The following KIAA0825 variants were observed in gnomAD, a reference collection of about 807,000 sequenced individuals.
KIAA0825 encodes uncharacterized protein KIAA0825.
Under a neutral mutation model 147.6 loss-of-function variants are expected in KIAA0825, and 119 were observed. That is an observed-to-expected ratio of 0.81 (90% CI 0.69 to 0.94). The LOEUF (loss-of-function observed/expected upper bound fraction) is 0.94. Ranked by LOEUF, KIAA0825 falls within the 40% of genes least tolerant of loss-of-function variation. KIAA0825 has a pLI of 0.00. For synonymous variants in KIAA0825, 470 were observed against 518.1 expected, an observed-to-expected ratio of 0.91 and a Z score of 1.26; for missense variants, 1,381 against 1,472.7, an observed-to-expected ratio of 0.94 and a Z score of 1.02.
At chr5:94,274,128 C>A (rs1777110308) in intron 20 of KIAA0825, among the ~76,000 whole-genome samples, 1 of 151,996 alleles carries the variant, frequency 6.6e-6, no homozygotes, top group Non-Finnish European at 1.5e-5. Context: ...CTCTATGTAT[C>A]ATGCAGGGAA....
intron 12 of KIAA0825, among the ~76,000 whole-genome samples, 171 bp from the exon 13 acceptor site, chr5:94,453,240 C>T (rs1758644385): frequency 6.6e-6 from 1 of 151,852 alleles, no homozygotes; most frequent in African/African-American, 2.4e-5. Flanking sequence ...TGGTGCGATT[C>T]CGGCTCACTG....
At position 94,587,993 on chromosome 5, in the gene KIAA0825, A is replaced by G. The variant is rs141240914; in HGVS notation, c.-152-5410T>C. Among the ~76,000 whole-genome samples the G allele has an allele frequency of 3.7e-4, 56 of 152,246 alleles. 1 individual carries two copies. The East Asian group carries it at 5.2e-3, about 14-fold the overall frequency. On this transcript the variant is annotated intron_variant, in intron 1 of 20. Coordinates refer to ENST00000682413, the MANE Select transcript of KIAA0825 (RefSeq NM_001145678.3). ...TGCTGGGAAAACTGGCTAGCCATATATAGAAAGCTGACACTGGATCCCTTC... is the reference window on the plus strand; with the variant it reads ...TGCTGGGAAAACTGGCTAGCCATATGTAGAAAGCTGACACTGGATCCCTTC...
At chr5:94,407,888 G>A (rs2150656370) in intron 15 of KIAA0825, among the ~76,000 whole-genome samples, 1 of 152,158 alleles carries the variant, frequency 6.6e-6, no homozygotes, top group African/African-American at 2.4e-5. Flanking sequence ...CCTCTAAAAG[G>A]ACACACACAA....
intron 2 of KIAA0825, among the ~76,000 whole-genome samples, chr5:94,551,231 A>C (rs574092391): frequency 2.2e-4 from 34 of 152,038 alleles, no homozygotes; most frequent in Admixed American, 7.9e-4. Context: ...AATTAAATGT[A>C]CTAATTTTCA....
chr5:94,276,907 CT>C (rs1420109592), intron 20 of KIAA0825, among the ~76,000 whole-genome samples: 1 of 152,100 alleles, frequency 6.6e-6, no homozygotes. Flanking sequence ...CCTAAGCACA[CT>C]TTTGGCCTCT....
intron 14 of KIAA0825, among the ~76,000 whole-genome samples, chr5:94,424,035 A>G (rs571608949): frequency 6.6e-6 from 1 of 152,186 alleles, no homozygotes; most frequent in Non-Finnish European, 1.5e-5. Flanking sequence ...TTCAATTAAT[A>G]TAACTTTTTT....
chr5:94,542,761 C>A (rs568703462), intron 2 of KIAA0825, among the ~76,000 whole-genome samples: 1 of 151,904 alleles, frequency 6.6e-6, no homozygotes, highest in South Asian at 2.1e-4. Flanking sequence ...GAGCCAAGAT[C>A]GTGTCATTGC....
At chr5:94,407,750 T>C (rs1000399831) in intron 15 of KIAA0825, among the ~76,000 whole-genome samples, 6 of 152,180 alleles carry the variant, frequency 3.9e-5, no homozygotes, top group African/African-American at 1.4e-4. Context: ...AATTAAATGG[T>C]GCTGATGGTT....
intron 20 of KIAA0825, among the ~76,000 whole-genome samples, chr5:94,175,471 C>T (rs1256347628): frequency 6.6e-6 from 1 of 152,138 alleles, no homozygotes; most frequent in African/African-American, 2.4e-5. Flanking sequence ...AAGTCAAGTA[C>T]TGTGTTACCT....
chr5:94,491,688 T>A (rs1763752570), intron 5 of KIAA0825, among the ~76,000 whole-genome samples: 1 of 152,204 alleles, frequency 6.6e-6, no homozygotes, highest in Admixed American at 6.5e-5. Context: ...TTACTTATTT[T>A]GAGAATTTAT....
intron 20 of KIAA0825, among the ~76,000 whole-genome samples, chr5:94,200,114 C>T (rs541660649): frequency 6.6e-5 from 10 of 152,300 alleles, no homozygotes; most frequent in Middle Eastern, 3.4e-3. Flanking sequence ...GCTGTCCCCA[C>T]GCCAAACCTT....
At position 94,609,412 on chromosome 5, in the gene KIAA0825, T is replaced by C. The variant is rs370554934; in HGVS notation, c.-153+9088A>G. On this transcript the variant is annotated intron_variant, in intron 1 of 20. Transcript: ENST00000682413. Reference sequence around the variant, plus strand: ...CATGTAGTGGTTTGTTTAAATATTGTCAAAAATATTTCATTTTAATTTATA... The same window carrying C: ...CATGTAGTGGTTTGTTTAAATATTGCCAAAAATATTTCATTTTAATTTATA... Among the ~76,000 whole-genome samples, 6 of 152,224 alleles carry C rather than the reference T, an allele frequency of 3.9e-5. No homozygotes were observed. In the East Asian group the frequency reaches 1.2e-3, roughly 29 times the overall value.
chr5:94,356,374 G>T (rs1054079071), intron 20 of KIAA0825, among the ~76,000 whole-genome samples: 1 of 151,846 alleles, frequency 6.6e-6, no homozygotes, highest in Non-Finnish European at 1.5e-5. Context: ...TTGGGAGGCC[G>T]AAGTGGGCGG....
intron 1 of KIAA0825, among the ~76,000 whole-genome samples, chr5:94,589,038 G>A (rs2152385824): frequency 6.6e-6 from 1 of 152,238 alleles, no homozygotes; most frequent in South Asian, 2.1e-4. Flanking sequence ...AGGGCTGGGG[G>A]AGGGATAGAG....
At chr5:94,343,499 C>T (rs1782654554) in intron 20 of KIAA0825, among the ~76,000 whole-genome samples, 1 of 152,128 alleles carries the variant, frequency 6.6e-6, no homozygotes, top group Non-Finnish European at 1.5e-5. Flanking sequence ...GACCATCTGG[C>T]TAACACAGTG....
intron 20 of KIAA0825, among the ~76,000 whole-genome samples, chr5:94,216,188 A>C (rs1773180099): frequency 6.6e-6 from 1 of 152,180 alleles, no homozygotes; most frequent in Non-Finnish European, 1.5e-5. Context: ...TAGATTAGCC[A>C]GTTTATTTGG....
chr5:94,262,813 G>A (rs144621673), intron 20 of KIAA0825, among the ~76,000 whole-genome samples: 40 of 152,266 alleles, frequency 2.6e-4, no homozygotes, highest in African/African-American at 9.4e-4. Flanking sequence ...GTGAGGGTAA[G>A]AATGTAAGCA....
chr5:94,248,795 C>T (rs925898097), intron 20 of KIAA0825, among the ~76,000 whole-genome samples: 1 of 152,120 alleles, frequency 6.6e-6, no homozygotes, highest in Admixed American at 6.6e-5. Flanking sequence ...TTTTTCCCCT[C>T]TCTGTTAAGT....
At position 94,455,340 on chromosome 5, in the gene KIAA0825, G is replaced by T. The variant is rs138282049; in HGVS notation, c.2247-2271C>A. ...CACAGGAGAAAGTGGTGTTAGAGAA[G>T]CCAAAAGAAGAGAAAATGACTGAAT... On this transcript the variant is annotated intron_variant, in intron 12 of 20. Transcript: ENST00000682413. Among the ~76,000 whole-genome samples, 130 of 152,300 alleles carry T rather than the reference G, an allele frequency of 8.5e-4. No individual in the cohort carries two copies. In the Middle Eastern group the frequency reaches 0.01, roughly 12 times the overall value.
Sources: allele counts gnomAD v4.1 joint callset (sites outside exome capture counted in the v4.1 genomes callset), GRCh38; gene constraint gnomAD v4.1.1; transcripts MANE v1.5; gene names NCBI Gene and HGNC (gene_info 2026-07-23, HGNC 2026-07-21).